RSPO2: variants seen among roughly 807,000 people sequenced by gnomAD.
RSPO2 encodes R-spondin 2.
RSPO2 carries 14 observed loss-of-function variants against 30.9 expected under a neutral mutation model. The observed-to-expected ratio is 0.45, with a 90% confidence interval of 0.30 to 0.71. The LOEUF is 0.71. Among genes scored for constraint, RSPO2 ranks in the 30% least tolerant of loss-of-function variants. The pLI is 0.08. For synonymous variants in RSPO2, 107 were observed against 96.4 expected (o/e 1.11, Z -0.64); for missense variants, 264 against 301.9 (o/e 0.87, Z 0.93).
chr8:107,978,914 A>G, intron 3 of RSPO2, among the ~76,000 whole-genome samples: 1 of 152,252 alleles, frequency 6.6e-6, no homozygotes, highest in Non-Finnish European at 1.5e-5. Context: ...TATGCAGCCA[A>G]AAAACACATG....
chr8:108,077,853 T>A (rs956873573), intron 2 of RSPO2, among the ~76,000 whole-genome samples: 2 of 152,290 alleles, frequency 1.3e-5, no homozygotes, highest in East Asian at 3.9e-4. Flanking sequence ...TACAGAAATT[T>A]TAAAACTTTG....
At chr8:107,996,677 C>T (rs1815035448) in intron 2 of RSPO2, among the ~76,000 whole-genome samples, 1 of 152,050 alleles carries the variant, frequency 6.6e-6, no homozygotes, top group African/African-American at 2.4e-5. Context: ...AAATCATGCT[C>T]CACAGTAAGA....
intron 2 of RSPO2, among the ~76,000 whole-genome samples, chr8:108,039,883 G>A (rs1044981825): frequency 1.3e-5 from 2 of 152,158 alleles, no homozygotes; most frequent in Non-Finnish European, 2.9e-5. Flanking sequence ...AGTGCCCTTA[G>A]AAGAAGAGGC....
intron 5 of RSPO2, among the ~76,000 whole-genome samples, chr8:107,950,022 A>G (rs2453420): frequency 0.54 from 81,463 of 152,036 alleles, 23,944 homozygotes; most frequent in East Asian, 0.7. Context: ...ATCGTCCACC[A>G]TGTGATTCCC....
chr8:107,907,517 G>A (rs1811688132), intron 5 of RSPO2, among the ~76,000 whole-genome samples: 2 of 152,018 alleles, frequency 1.3e-5, no homozygotes, highest in South Asian at 2.1e-4. Flanking sequence ...ATTTTTCAAA[G>A]GGTCACTTAG....
intron 5 of RSPO2, among the ~76,000 whole-genome samples, chr8:107,911,430 A>G (rs1390146379): frequency 6.6e-6 from 1 of 152,188 alleles, no homozygotes; most frequent in South Asian, 2.1e-4. Context: ...ACAGCCCTAG[A>G]TTCAAAGCAG....
intron 3 of RSPO2, among the ~76,000 whole-genome samples, chr8:107,984,198 A>G (rs41530845): frequency 0.22 from 33,407 of 152,200 alleles, 3,802 homozygotes; most frequent in Middle Eastern, 0.25. Flanking sequence ...CGCTAAACTC[A>G]TGGAGGTTCA....
intron 2 of RSPO2, among the ~76,000 whole-genome samples, chr8:108,060,222 G>A (rs553147181): frequency 5.3e-5 from 8 of 151,598 alleles, no homozygotes; most frequent in Admixed American, 1.3e-4. Context: ...GGCTTCAGAC[G>A]ATCAAACTTC....
intron 3 of RSPO2, among the ~76,000 whole-genome samples, chr8:107,980,732 C>A (rs1814400887): frequency 6.6e-6 from 1 of 152,164 alleles, no homozygotes; most frequent in Non-Finnish European, 1.5e-5. Context: ...AGCCTCGCCA[C>A]CCAGGTTAGA....
chr8:107,976,554 C>CAGTA (rs891144760), intron 3 of RSPO2, among the ~76,000 whole-genome samples: 1 of 152,176 alleles, frequency 6.6e-6, no homozygotes, highest in Non-Finnish European at 1.5e-5. Context: ...TGTCAAAAGG[C>CAGTA]AGTAACTTCT....
At chr8:107,967,265 A>G (rs1220715279) in intron 3 of RSPO2, among the ~76,000 whole-genome samples, 1 of 152,196 alleles carries the variant, frequency 6.6e-6, no homozygotes, top group East Asian at 1.9e-4. Flanking sequence ...GGAACTTAAT[A>G]TAAGGTTTTT....
At chr8:108,008,184 C>T (rs1455953376) in intron 2 of RSPO2, among the ~76,000 whole-genome samples, 1 of 152,148 alleles carries the variant, frequency 6.6e-6, no homozygotes, top group Non-Finnish European at 1.5e-5. Context: ...CACTACAGAG[C>T]TCAATTTTGT....
chr8:108,071,373 TG>T (rs1812838832), intron 2 of RSPO2, among the ~76,000 whole-genome samples: 1 of 152,162 alleles, frequency 6.6e-6, no homozygotes, highest in African/African-American at 2.4e-5. Flanking sequence ...GTGGTGCAAA[TG>T]GCTTCTCTAT....
At chr8:108,042,508 AGCT>A (rs754931161) in intron 2 of RSPO2, among the ~76,000 whole-genome samples, 1 of 152,212 alleles carries the variant, frequency 6.6e-6, no homozygotes, top group Non-Finnish European at 1.5e-5. Flanking sequence ...GTCTCATTAC[AGCT>A]CAATACCCGT....
chr8:108,039,835 A>C (rs1477694187), intron 2 of RSPO2, among the ~76,000 whole-genome samples: 1 of 152,144 alleles, frequency 6.6e-6, no homozygotes, highest in African/African-American at 2.4e-5. Flanking sequence ...AAGGTAGGTA[A>C]ATCAGGTCAT....
At chr8:107,903,623 T>C (rs1294601156) in intron 5 of RSPO2, among the ~76,000 whole-genome samples, 2 of 152,124 alleles carry the variant, frequency 1.3e-5, no homozygotes, top group African/African-American at 2.4e-5. Context: ...AGCTTATTTA[T>C]GTAAAATAAT....
At position 108,022,649 on chromosome 8, in the gene RSPO2, G is replaced by C. The variant is rs1281343507; in HGVS notation, c.95-33405C>G. Among the ~76,000 whole-genome samples the C allele has an allele frequency of 2.0e-5, 3 of 152,216 alleles. No homozygotes were observed. In the East Asian group the frequency reaches 5.8e-4, roughly 29 times the overall value. On this transcript the variant is annotated intron_variant, in intron 2 of 5. Transcript: ENST00000276659. ...GTTTAAAAACACAGTAGTTGTGCTG[G>C]GCATGGTGGCTCATGCCTGTAATCT...
intron 2 of RSPO2, among the ~76,000 whole-genome samples, chr8:108,013,908 C>A (rs1235700850): frequency 6.6e-6 from 1 of 152,118 alleles, no homozygotes; most frequent in African/African-American, 2.4e-5. Flanking sequence ...TCAGAGTGAA[C>A]AGGCAATCTA....
At chr8:107,958,028 G>A (rs1263277535) in intron 5 of RSPO2, 52 bp downstream of exon 5, 22 of 1,193,042 alleles carry the variant, frequency 1.8e-5, no homozygotes, top group East Asian at 1.1e-4. Flanking sequence ...GTTAGGAAGC[G>A]GGAGAATTCA....
Sources: allele counts gnomAD v4.1 joint callset (sites outside exome capture counted in the v4.1 genomes callset), GRCh38; gene constraint gnomAD v4.1.1; transcripts MANE v1.5; gene names NCBI Gene and HGNC (gene_info 2026-07-23, HGNC 2026-07-21).